Variants in STIL observed in about 807,000 individuals in gnomAD.
STIL encodes SCL-interrupting locus protein.
In STIL, 55 loss-of-function variants were observed where a neutral mutation model predicts 110.1. The observed-to-expected ratio is 0.50, with a 90% confidence interval of 0.40 to 0.63. The LOEUF (loss-of-function observed/expected upper bound fraction) is 0.63, where lower values mean the gene tolerates loss of function less well. Among genes scored for constraint, STIL ranks in the 20% least tolerant of loss-of-function variants. The pLI is 0.00. For synonymous variants in STIL, 481 were observed against 530.0 expected, an observed-to-expected ratio of 0.91 and a Z score of 1.27; for missense variants, 1,358 against 1,530.0, an observed-to-expected ratio of 0.89 and a Z score of 1.87.
chr1:47,289,692 G>A, intron 8 of STIL, 107 bp from the exon 9 acceptor site: 2 of 1,147,886 alleles, frequency 1.7e-6, no homozygotes, highest in Non-Finnish European at 2.6e-6. Context: ...ACTAAAAGGT[G>A]CAATTTTTGT....
rs549227243 is a variant in STIL, at chr1:47,258,992, CT to C, written c.3080+1296del. Among the ~76,000 whole-genome samples, 50 of 94,406 alleles carry C rather than the reference CT, an allele frequency of 5.3e-4. 2 individuals are homozygous for C. The highest frequency in any genetic ancestry group is 1.8e-3 in the East Asian group (7 of 3,784). The allele number at this position is 94,406 out of a possible 152,430, so 61.9% of individuals were successfully genotyped here. ...GAAATGGTTAAGAGAAGTAACTTTG[CT>C]TTTTTTTTTTTTTGAGACAGTCTTG... is the stretch of plus-strand genomic sequence containing the variant. On this transcript the variant is annotated intron_variant, in intron 16 of 16. Coordinates refer to ENST00000371877, the MANE Select transcript of STIL (RefSeq NM_001048166.1).
rs192335324 is a variant in STIL at position 47,272,170 on chromosome 1, C to T, written c.2289G>A (p.Val763=). 1 of 1,614,174 alleles carries T rather than the reference C, an allele frequency of 6.2e-7. No individual in the cohort carries two copies. The highest frequency in any genetic ancestry group is 8.5e-7 in the Non-Finnish European group (1 of 1,180,016). Residue 763 remains valine (V), a synonymous_variant, in exon 13 of 17, where the codon GTG becomes GTA. Transcript: ENST00000371877. ...CCAACTCCATTTGTCTTCCAGCTTG[C>T]ACTGTGTCTTCAACAGCAGTTGTCT... ...SPKTTAVEDT[V]QAGRQMELVS...
intron 13 of STIL, among the ~76,000 whole-genome samples, chr1:47,270,668 A>ACC (rs1644808525): frequency 1.9e-5 from 2 of 103,324 alleles, no homozygotes; most frequent in African/African-American, 3.1e-5. Context: ...GTGTTTCCCA[A>ACC]TCTTTTTTTT....
intron 12 of STIL, among the ~76,000 whole-genome samples, chr1:47,276,460 C>T (rs1644994748): frequency 1.3e-5 from 2 of 151,926 alleles, no homozygotes; most frequent in African/African-American, 4.8e-5. Context: ...CCTTCATATA[C>T]AATGAGCTCT....
At chr1:47,291,512 C>T (rs183585791) in intron 8 of STIL, among the ~76,000 whole-genome samples, 10 of 152,114 alleles carry the variant, frequency 6.6e-5, no homozygotes, top group African/African-American at 2.2e-4. Flanking sequence ...CAGTACTCAT[C>T]GCCTTTTAAC....
Position 47,280,379 on chromosome 1 carries a change from G to A in STIL, c.2079C>T (p.Asp693=), listed in dbSNP as rs1468247530. ...SPVARPPSHM[D]LCNPQPCTVC... is the part of the protein sequence containing the mutation. ...CTGTGCAAGGCTGTGGGTTACATAA[G>A]TCCATATGTGAAGGCGGTCTTGCCA... Residue 693 remains aspartate (D), a synonymous_variant, in exon 12 of 17, where the codon GAC becomes GAT. Transcript: ENST00000371877. The A allele has an allele frequency of 1.9e-6, 3 of 1,614,112 alleles. No homozygotes were observed. The Admixed American group carries it at 5.0e-5, about 27-fold the overall frequency.
intron 6 of STIL, among the ~76,000 whole-genome samples, chr1:47,297,101 T>C (rs1645661895): frequency 6.6e-6 from 1 of 152,196 alleles, no homozygotes; most frequent in Admixed American, 6.5e-5. Flanking sequence ...TCCAACACTT[T>C]GGAAGGCTGA....
At position 47,310,335 on chromosome 1, in the gene STIL, ATTTC is replaced by A. The variant is rs760658524; in HGVS notation, c.-20_-17del. ...TAGGCTCCATGATGTCTGGTGAATG[ATTTC>A]TTTAATTCCAAATCCTCAGTATCCT... On this transcript the variant is annotated 5_prime_UTR_variant, in exon 2 of 17. Coordinates refer to ENST00000371877, the MANE Select transcript of STIL (RefSeq NM_001048166.1). 7.4e-6 allele frequency: 12 copies of A among 1,611,616 alleles called. No individual in the cohort carries two copies. The highest frequency in any genetic ancestry group is 8.5e-6 in the Non-Finnish European group (10 of 1,178,514).
intron 15 of STIL, among the ~76,000 whole-genome samples, chr1:47,261,216 T>C (rs968638205): frequency 1.4e-5 from 2 of 146,680 alleles, no homozygotes; most frequent in East Asian, 2.1e-4. Context: ...GGTGAAACCC[T>C]GTCTCTAATA....
In STIL at chr1:47,289,694, A is replaced by T; in HGVS notation, c.873-109T>A. 3 of 1,134,580 alleles carry T rather than the reference A, an allele frequency of 2.6e-6. No individual in the cohort carries two copies. In the Admixed American group the frequency reaches 5.9e-5, roughly 22 times the overall value. 70.3% of individuals were successfully genotyped at this position (1,134,580 alleles called of 1,614,324 possible). On this transcript the variant is annotated intron_variant, in intron 8 of 16. Coordinates refer to ENST00000371877, the MANE Select transcript of STIL (RefSeq NM_001048166.1). ...AGTTAACAAAATGACTAAAAGGTGCAATTTTTGTTCAAAAACTGGGGTCCA... is the reference window on the plus strand; with the variant it reads ...AGTTAACAAAATGACTAAAAGGTGCTATTTTTGTTCAAAAACTGGGGTCCA...
intron 14 of STIL, among the ~76,000 whole-genome samples, chr1:47,263,456 A>G (rs1644540713): frequency 6.6e-6 from 1 of 152,180 alleles, no homozygotes; most frequent in Non-Finnish European, 1.5e-5. Context: ...GAGCAAGAGG[A>G]TCACTTAGCC....
chr1:47,269,714 T>C lies in STIL; in HGVS notation c.2536A>G (p.Lys846Glu). 1 of 1,614,192 alleles carries C rather than the reference T, an allele frequency of 6.2e-7. No individual in the cohort carries two copies. Among genetic ancestry groups the C allele is most frequent in the South Asian group, 1.1e-5 (1 of 91,088 alleles). The change falls in exon 14 of 17, where the codon AAA (lysine) becomes GAA (glutamate). Residue 846 changes from lysine to glutamate, a missense_variant. Coordinates refer to ENST00000371877, the MANE Select transcript of STIL (RefSeq NM_001048166.1). ...TSLPGSASSL[K>E]AVDIPSFEES... ...TCAAAACTGGGAATATCAACTGCTT[T>C]TAATGAAGATGCACTACCTGGAAGA...
At chr1:47,277,970 CA>C (rs1433172902) in intron 12 of STIL, among the ~76,000 whole-genome samples, 1 of 152,120 alleles carries the variant, frequency 6.6e-6, no homozygotes, top group African/African-American at 2.4e-5. Flanking sequence ...ACAGTACCCA[CA>C]AACTAGATCA....
chr1:47,256,478 G>T (rs943704242), intron 16 of STIL, among the ~76,000 whole-genome samples: 7 of 151,950 alleles, frequency 4.6e-5, no homozygotes, highest in Non-Finnish European at 1.0e-4. Context: ...AAACTTAGCT[G>T]GGCGTGGTGG....
chr1:47,292,621 A>T (rs921569669), intron 8 of STIL, among the ~76,000 whole-genome samples: 4 of 152,212 alleles, frequency 2.6e-5, no homozygotes, highest in Non-Finnish European at 1.5e-5. Context: ...CAACATAAAG[A>T]AAAGAAAGGA....
intron 16 of STIL, among the ~76,000 whole-genome samples, chr1:47,252,463 A>G (rs537523312): frequency 3.3e-5 from 5 of 152,316 alleles, no homozygotes; most frequent in African/African-American, 9.6e-5. Context: ...TACAGGTTTA[A>G]AGTGGAATAC....
intron 8 of STIL, among the ~76,000 whole-genome samples, chr1:47,291,896 T>TACCCTTAAGACAG (rs1425608917): frequency 6.6e-6 from 1 of 151,926 alleles, no homozygotes; most frequent in East Asian, 1.9e-4. Flanking sequence ...GGGTCTGTAT[T>TACCCTTAAGACAG]GTTCAGGCTG....
At chr1:47,259,581 G>A (rs1468246490) in intron 16 of STIL, among the ~76,000 whole-genome samples, 4 of 152,100 alleles carry the variant, frequency 2.6e-5, no homozygotes, top group Non-Finnish European at 4.4e-5. Flanking sequence ...GAGCCACCGC[G>A]CCCGGCCTAA....
chr1:47,270,255 T>TACACACAC (rs56253074), intron 13 of STIL, among the ~76,000 whole-genome samples: 1,297 of 119,308 alleles, frequency 0.011, 33 homozygotes, highest in African/African-American at 0.031. Context: ...TATATATATA[T>TACACACAC]ACACACACAC....
Sources: gnomAD v4.1 joint callset for allele counts (sites outside exome capture counted in the v4.1 genomes callset) on GRCh38, gnomAD v4.1.1 for gene constraint, MANE v1.5 for transcripts, NCBI Gene and HGNC (gene_info 2026-07-23, HGNC 2026-07-21) for gene names.